FAF1: variants seen among roughly 807,000 people sequenced by gnomAD.
FAF1 encodes the protein Fas associated factor 1.
FAF1 carries 25 observed loss-of-function variants against 92.5 expected under a neutral mutation model. That is an observed-to-expected ratio of 0.27 (90% CI 0.20 to 0.38). The LOEUF (loss-of-function observed/expected upper bound fraction) is 0.38, where lower values mean the gene tolerates loss of function less well. Ranked by LOEUF, FAF1 falls within the 10% of genes least tolerant of loss-of-function variation. The pLI is 1.00. For missense variants in FAF1, 636 were observed against 793.3 expected (o/e 0.80, Z 2.38); for synonymous variants, 234 against 273.2 (o/e 0.86, Z 1.42).
intron 13 of FAF1, among the ~76,000 whole-genome samples, chr1:50,546,214 T>C (rs1056915140): frequency 6.6e-6 from 1 of 152,194 alleles, no homozygotes; most frequent in Non-Finnish European, 1.5e-5. Context: ...TTATGGAATT[T>C]AAAGAGATAC....
At chr1:50,534,503 G>C (rs1648361334) in intron 15 of FAF1, among the ~76,000 whole-genome samples, 1 of 152,008 alleles carries the variant, frequency 6.6e-6, no homozygotes, top group South Asian at 2.1e-4. Context: ...AGCTAGTCTT[G>C]AACTCAGTGA....
At chr1:50,769,973 C>A (rs573729990) in intron 4 of FAF1, among the ~76,000 whole-genome samples, 1 of 152,282 alleles carries the variant, frequency 6.6e-6, no homozygotes, top group East Asian at 1.9e-4. Context: ...ATCACTTGAA[C>A]CCGGGAGGCG....
chr1:50,799,464 T>C (rs999393282), intron 3 of FAF1, among the ~76,000 whole-genome samples: 2 of 152,096 alleles, frequency 1.3e-5, no homozygotes, highest in African/African-American at 4.8e-5. Context: ...AAACCTGATT[T>C]CAAGAAAAGC....
intron 13 of FAF1, among the ~76,000 whole-genome samples, chr1:50,554,390 T>TATATATATAGAGAGAG: frequency 2.5e-4 from 23 of 93,682 alleles, no homozygotes; most frequent in African/African-American, 9.5e-4. Flanking sequence ...TATATATATA[T>TATATATATAGAGAGAG]AGAGAGAGAG....
rs536207338 is a variant in FAF1, at chr1:50,845,997, G to A, written c.114+11932C>T. On this transcript the variant is annotated intron_variant, in intron 2 of 18. Coordinates refer to ENST00000396153, the MANE Select transcript of FAF1 (RefSeq NM_007051.3). ...AAATTAGCTGGGCGTGGTGGGGCAC[G>A]CCTGTAATCCCAGCTACTCAGGAGG... Among the ~76,000 whole-genome samples the A allele has an allele frequency of 5.3e-5, 8 of 151,984 alleles. No individual in the cohort carries two copies. In the South Asian group the frequency reaches 1.7e-3, roughly 32 times the overall value.
At chr1:50,494,193 T>C (rs1557968543) in intron 15 of FAF1, among the ~76,000 whole-genome samples, 1 of 152,224 alleles carries the variant, frequency 6.6e-6, no homozygotes, top group Non-Finnish European at 1.5e-5. Flanking sequence ...ATTTTATACT[T>C]GCCTCTCCAA....
chr1:50,646,816 C>A (rs921303301), intron 8 of FAF1, among the ~76,000 whole-genome samples: 1 of 152,074 alleles, frequency 6.6e-6, no homozygotes, highest in Non-Finnish European at 1.5e-5. Context: ...GTTGTTAAAG[C>A]GAACTAAATA....
At chr1:50,635,852 G>C (rs1392697147) in intron 8 of FAF1, among the ~76,000 whole-genome samples, 2 of 152,156 alleles carry the variant, frequency 1.3e-5, no homozygotes, top group East Asian at 3.8e-4. Context: ...ATTTAGGTCA[G>C]CTACTAGGGG....
rs373161973 is a variant in FAF1, at chr1:50,717,118, G to A, written c.552-11227C>T. Among the ~76,000 whole-genome samples the A allele has an allele frequency of 9.8e-5, 15 of 152,290 alleles. No individual in the cohort carries two copies. In the South Asian group the frequency reaches 2.7e-3, roughly 27 times the overall value. ...CGCGAAGGTCCGCGGCTTCATTCTT[G>A]GAGTCAGCGAGAACAAGAACCCACT... On this transcript the variant is annotated intron_variant, in intron 6 of 18. Coordinates refer to ENST00000396153, the MANE Select transcript of FAF1 (RefSeq NM_007051.3).
chr1:50,443,931 GCCT>G (rs1646198927), intron 18 of FAF1, among the ~76,000 whole-genome samples: 1 of 151,994 alleles, frequency 6.6e-6, no homozygotes, highest in Non-Finnish European at 1.5e-5. Context: ...ATCAGGTAAT[GCCT>G]CCATCTCTGG....
At chr1:50,636,478 CG>C (rs1342837396) in intron 8 of FAF1, among the ~76,000 whole-genome samples, 4 of 148,820 alleles carry the variant, frequency 2.7e-5, no homozygotes, top group Admixed American at 1.4e-4. Context: ...CTATGCCTCC[CG>C]GGCTCAAGCG....
chr1:50,506,996 A>AGGAATG (rs1296763923), intron 15 of FAF1, among the ~76,000 whole-genome samples: 1 of 152,196 alleles, frequency 6.6e-6, no homozygotes, highest in African/African-American at 2.4e-5. Context: ...GATAATAGGG[A>AGGAATG]GGAATGGGAA....
intron 4 of FAF1, 148 bp from the exon 5 acceptor site, chr1:50,744,923 AT>A (rs1319285580): frequency 2.1e-6 from 1 of 476,116 alleles, no homozygotes; most frequent in African/African-American, 2.0e-5. Flanking sequence ...AAAATGGGAA[AT>A]AATATTATTT....
chr1:50,768,960 A>G (rs929088258), intron 4 of FAF1, among the ~76,000 whole-genome samples: 3 of 152,156 alleles, frequency 2.0e-5, no homozygotes, highest in African/African-American at 7.2e-5. Context: ...ACTGAAGGAA[A>G]CTGAGACATA....
intron 8 of FAF1, among the ~76,000 whole-genome samples, chr1:50,603,633 C>T (rs1382092857): frequency 6.6e-6 from 1 of 152,150 alleles, no homozygotes; most frequent in Non-Finnish European, 1.5e-5. Flanking sequence ...TGCCCTTCCC[C>T]CAGCCATTTT....
At chr1:50,565,693 A>G (rs1357436475) in intron 13 of FAF1, among the ~76,000 whole-genome samples, 1 of 152,130 alleles carries the variant, frequency 6.6e-6, no homozygotes, top group African/African-American at 2.4e-5. Flanking sequence ...AAGAAACTAC[A>G]CTGCAATTTT....
At chr1:50,576,199 T>C (rs1429926913) in intron 12 of FAF1, among the ~76,000 whole-genome samples, 1 of 152,196 alleles carries the variant, frequency 6.6e-6, no homozygotes, top group Non-Finnish European at 1.5e-5. Flanking sequence ...ATGGGTAGCA[T>C]CCCACTTAAG....
chr1:50,676,882 T>C (rs1193333017), intron 7 of FAF1, among the ~76,000 whole-genome samples: 4 of 152,160 alleles, frequency 2.6e-5, no homozygotes, highest in Admixed American at 6.6e-5. Flanking sequence ...ACACTTGAGA[T>C]ATAGGAGTAC....
At chr1:50,492,666 T>G (rs1204447174) in intron 15 of FAF1, among the ~76,000 whole-genome samples, 1 of 152,180 alleles carries the variant, frequency 6.6e-6, no homozygotes, top group Admixed American at 6.5e-5. Flanking sequence ...CAGAACCATA[T>G]AAAGCCACCA....
Sources: gnomAD v4.1 joint callset for allele counts (sites outside exome capture counted in the v4.1 genomes callset) on GRCh38, gnomAD v4.1.1 for gene constraint, MANE v1.5 for transcripts, NCBI Gene and HGNC (gene_info 2026-07-23, HGNC 2026-07-21) for gene names.